NFAT5: variants seen among roughly 807,000 people sequenced by gnomAD.
NFAT5 encodes the protein nuclear factor of activated T-cells 5.
NFAT5 carries 31 observed loss-of-function variants against 166.5 expected under a neutral mutation model. That is an observed-to-expected ratio of 0.19 (90% CI 0.14 to 0.25). The LOEUF (loss-of-function observed/expected upper bound fraction) is 0.25. Ranked by LOEUF, NFAT5 falls within the 10% of genes least tolerant of loss-of-function variation. The pLI is 1.00. For synonymous variants in NFAT5, 612 were observed against 639.7 expected (o/e 0.96, Z 0.65); for missense variants, 1,449 against 1,821.8 (o/e 0.80, Z 3.72).
intron 2 of NFAT5, among the ~76,000 whole-genome samples, chr16:69,570,553 TATTA>T (rs939115461): frequency 5.7e-5 from 8 of 140,282 alleles, no homozygotes; most frequent in Non-Finnish European, 7.7e-5. Flanking sequence ...GACTTTCTTA[TATTA>T]ATTATTATTG....
At chr16:69,567,879 T>C (rs780920894) in intron 1 of NFAT5, among the ~76,000 whole-genome samples, 12 of 152,222 alleles carry the variant, frequency 7.9e-5, no homozygotes, top group Non-Finnish European at 1.8e-4. Flanking sequence ...TTAACACCAT[T>C]TGGGGAGTAA....
Position 69,596,622 on chromosome 16 carries a change from G to A in NFAT5, c.127+28074G>A, listed in dbSNP as rs142511337. On this transcript the variant is annotated intron_variant, in intron 2 of 14. Coordinates refer to ENST00000349945, the MANE Select transcript of NFAT5 (RefSeq NM_138713.4). Reference sequence around the variant, plus strand: ...AATTGCAGCTACTCAGGAGGCTGACGCAGGAGAATCGCTTGAACCCGGGAG... The same window carrying A: ...AATTGCAGCTACTCAGGAGGCTGACACAGGAGAATCGCTTGAACCCGGGAG... Among the ~76,000 whole-genome samples the A allele has an allele frequency of 1.2e-3, 188 of 151,656 alleles. 5 individuals are homozygous for A. The East Asian group carries it at 0.029, about 23-fold the overall frequency.
intron 6 of NFAT5, among the ~76,000 whole-genome samples, chr16:69,657,744 G>A (rs1194980409): frequency 8.1e-6 from 1 of 123,518 alleles, no homozygotes; most frequent in Non-Finnish European, 1.6e-5. Context: ...GGGCAACAGA[G>A]CAAGACTCCA....
At chr16:69,695,441 T>C (rs2037730562) in intron 14 of NFAT5, 62 bp downstream of exon 14, 1 of 1,168,616 alleles carries the variant, frequency 8.6e-7, no homozygotes, top group African/African-American at 1.5e-5. Context: ...TTAACAGATT[T>C]AGGTTAAGTA....
At chr16:69,602,635 G>A (rs561832572) in intron 2 of NFAT5, among the ~76,000 whole-genome samples, 1 of 144,722 alleles carries the variant, frequency 6.9e-6, no homozygotes, top group Non-Finnish European at 1.5e-5. Context: ...TATAAGAAAA[G>A]ATTTTCCAGC....
intron 7 of NFAT5, among the ~76,000 whole-genome samples, chr16:69,665,080 AGTAATCTTGACT>A (rs2036311506): frequency 6.6e-6 from 1 of 152,218 alleles, no homozygotes; most frequent in African/African-American, 2.4e-5. Flanking sequence ...TTAATGCTTA[AGTAATCTTGACT>A]TTAGTTGTGT....
At chr16:69,688,468 T>C (rs1261391936) in intron 11 of NFAT5, among the ~76,000 whole-genome samples, 1 of 152,122 alleles carries the variant, frequency 6.6e-6, no homozygotes, top group African/African-American at 2.4e-5. Context: ...CTCTGACCTC[T>C]GCCTCCTGGG....
intron 4 of NFAT5, chr16:69,649,430 T>C (rs574176274): frequency 8.0e-5 from 79 of 984,736 alleles, no homozygotes; most frequent in African/African-American, 5.4e-4. Flanking sequence ...CTTCTACTTT[T>C]GTATGATAGC....
chr16:69,615,370 C>T (rs1332525131), intron 2 of NFAT5, among the ~76,000 whole-genome samples: 2 of 152,070 alleles, frequency 1.3e-5, no homozygotes, highest in African/African-American at 4.8e-5. Flanking sequence ...TTTTGATATG[C>T]CCCCGTAATT....
intron 2 of NFAT5, among the ~76,000 whole-genome samples, chr16:69,611,256 C>G (rs2033692225): frequency 6.6e-6 from 1 of 152,028 alleles, no homozygotes; most frequent in South Asian, 2.1e-4. Context: ...CTGTTAATAG[C>G]CATGGAACAG....
At chr16:69,662,436 G>A (rs967389826) in intron 7 of NFAT5, among the ~76,000 whole-genome samples, 5 of 148,404 alleles carry the variant, frequency 3.4e-5, no homozygotes, top group African/African-American at 1.2e-4. Context: ...TACAGAGGTA[G>A]ACAACACCTC....
chr16:69,692,140 A>G lies in NFAT5; in HGVS notation c.2315A>G (p.Gln772Arg). Residue 772 changes from glutamine to arginine, a missense_variant, in exon 13 of 15, where the codon CAG becomes CGG. Coordinates refer to ENST00000349945, the MANE Select transcript of NFAT5 (RefSeq NM_138713.4). The stretch of plus-strand genomic sequence containing the variant: ...CTACAAGAACAAGCACAGACTTTAC[A>G]GCAGCAGATTTCATCAAATATTTTT... ...SPLQEQAQTL[Q>R]QQISSNIFPS... The G allele has an allele frequency of 6.2e-6, 10 of 1,614,194 alleles. No homozygotes were observed. The highest frequency in any genetic ancestry group is 7.6e-6 in the Non-Finnish European group (9 of 1,180,042).
chr16:69,583,367 T>C (rs2031826906), intron 2 of NFAT5, among the ~76,000 whole-genome samples: 1 of 150,264 alleles, frequency 6.7e-6, no homozygotes, highest in Admixed American at 6.7e-5. Context: ...TATAACACCA[T>C]GCCCAGCTAA....
chr16:69,566,330 G>A lies in NFAT5; in HGVS notation c.29G>A (p.Ser10Asn). 2 of 1,608,750 alleles carry A rather than the reference G, an allele frequency of 1.2e-6. No individual in the cohort carries two copies. Among genetic ancestry groups the A allele is most frequent in the Non-Finnish European group, 1.7e-6 (2 of 1,178,474 alleles). The stretch of plus-strand genomic sequence containing the variant: ...CCCTCGGACTTCATCTCATTGCTCA[G>A]CGCGGACCTAGACCTGGAATCGCCC... MPSDFISLL[S>N]ADLDLESPKS... Residue 10 changes from serine to asparagine, a missense_variant, in exon 1 of 15, where the codon AGC becomes AAC. Around this residue, in one of 7 missense-constraint regions of NFAT5, gnomAD observed 172 missense variants for 194.5 expected, o/e 0.88. Coordinates refer to ENST00000349945, the MANE Select transcript of NFAT5 (RefSeq NM_138713.4). This position sits in a 1 kb window ranked among gnomAD's most constrained non-coding sequence, Gnocchi z 5.7.
chr16:69,587,439 A>G (rs899935106), intron 2 of NFAT5, among the ~76,000 whole-genome samples: 4 of 151,810 alleles, frequency 2.6e-5, no homozygotes, highest in Admixed American at 2.6e-4. Context: ...CCCAGGCTGT[A>G]GTGCAGTGGT....
intron 6 of NFAT5, 45 bp downstream of exon 6, chr16:69,655,844 G>A: frequency 1.4e-6 from 2 of 1,446,196 alleles, no homozygotes; most frequent in Non-Finnish European, 1.9e-6. Context: ...ACACTCTTGT[G>A]TTAGGCAGAA....
chr16:69,568,342 A>G lies in NFAT5; in HGVS notation c.74-153A>G, dbSNP rs1054019450. On this transcript the variant is annotated intron_variant, in intron 1 of 14. Transcript: ENST00000349945. ...TTTCAAAATGTATGTGTGTATATATATATATGTGTGTGTGTGTGTGTGTGT... is the reference window on the plus strand; with the variant it reads ...TTTCAAAATGTATGTGTGTATATATGTATATGTGTGTGTGTGTGTGTGTGT... 4.7e-3 allele frequency among the ~76,000 whole-genome samples: 224 copies of G among 47,922 alleles called. 2 individuals carry two copies. The highest frequency in any genetic ancestry group is 0.021 in the African/African-American group (203 of 9,450). The allele number at this position is 47,922 out of a possible 152,430, so 31.4% of individuals were successfully genotyped here.
At chr16:69,608,538 C>T (rs901673957) in intron 2 of NFAT5, among the ~76,000 whole-genome samples, 11 of 151,726 alleles carry the variant, frequency 7.2e-5, no homozygotes, top group Non-Finnish European at 1.2e-4. Context: ...GGGCGGATCA[C>T]GAGGTCAGGA....
chr16:69,569,478 C>T (rs2016307862), intron 2 of NFAT5, among the ~76,000 whole-genome samples: 1 of 151,786 alleles, frequency 6.6e-6, no homozygotes, highest in South Asian at 2.1e-4. Context: ...TTAAGTTTGA[C>T]TTGAGAAGAT....
Sources: allele counts gnomAD v4.1 joint callset (sites outside exome capture counted in the v4.1 genomes callset), GRCh38; gene constraint gnomAD v4.1.1; regional missense constraint gnomAD v4.1.1; non-coding constraint Gnocchi (gnomAD v3.1); transcripts MANE v1.5; gene names NCBI Gene and HGNC (gene_info 2026-07-23, HGNC 2026-07-21).